The following FOXN3 variants were observed in gnomAD, a reference collection of about 807,000 sequenced individuals.
FOXN3 encodes the protein forkhead box N3, also known as forkhead box protein N3.
FOXN3 carries 7 observed loss-of-function variants against 38.4 expected under a neutral mutation model. The observed-to-expected ratio is 0.18, with a 90% CI of 0.10 to 0.34. The LOEUF is 0.34. Ranked by LOEUF, FOXN3 falls within the 10% of genes least tolerant of loss-of-function variation. The pLI is 1.00. For missense variants in FOXN3, 456 were observed against 613.4 expected, an observed-to-expected ratio of 0.74 and a Z score of 2.71; for synonymous variants, 230 against 242.2, an observed-to-expected ratio of 0.95 and a Z score of 0.47.
intron 3 of FOXN3, among the ~76,000 whole-genome samples, chr14:89,335,685 T>C (rs1467608133): frequency 6.6e-6 from 1 of 152,240 alleles, no homozygotes; most frequent in Non-Finnish European, 1.5e-5. Flanking sequence ...ATTATATCTA[T>C]TCATTTTTAT....
At chr14:89,498,022 T>C (rs532606840) in intron 1 of FOXN3, among the ~76,000 whole-genome samples, 50 of 152,270 alleles carry the variant, frequency 3.3e-4, no homozygotes, top group Non-Finnish European at 5.0e-4. Context: ...TTGAGCATTT[T>C]TTTAACACTC....
chr14:89,238,790 A>G (rs970037732), intron 4 of FOXN3, among the ~76,000 whole-genome samples: 1 of 152,218 alleles, frequency 6.6e-6, no homozygotes, highest in Admixed American at 6.5e-5. Context: ...ATGAATATCA[A>G]TAACAATGCA....
chr14:89,197,318 C>T (rs896601057), intron 4 of FOXN3, among the ~76,000 whole-genome samples: 1 of 152,056 alleles, frequency 6.6e-6, no homozygotes, highest in Non-Finnish European at 1.5e-5. Context: ...ACCAGCCTGG[C>T]CAACATGGTG....
At chr14:89,542,191 C>A (rs925017997) in intron 1 of FOXN3, among the ~76,000 whole-genome samples, 1 of 151,988 alleles carries the variant, frequency 6.6e-6, no homozygotes, top group Non-Finnish European at 1.5e-5. Context: ...CAAGGGTTTG[C>A]GATAAAGGAT....
chr14:89,225,995 A>G (rs1457359652), intron 4 of FOXN3, among the ~76,000 whole-genome samples: 1 of 151,998 alleles, frequency 6.6e-6, no homozygotes, highest in Non-Finnish European at 1.5e-5. Flanking sequence ...TTCTATAAGT[A>G]GGTTTATCCC....
At chr14:89,363,224 C>T (rs1028446910) in intron 2 of FOXN3, among the ~76,000 whole-genome samples, 1 of 152,152 alleles carries the variant, frequency 6.6e-6, no homozygotes, top group East Asian at 1.9e-4. Context: ...CACAGTAACA[C>T]CCCCACATCC....
At chr14:89,228,719 C>G (rs542174271) in intron 4 of FOXN3, among the ~76,000 whole-genome samples, 12 of 152,274 alleles carry the variant, frequency 7.9e-5, no homozygotes, top group African/African-American at 2.9e-4. Flanking sequence ...GGAAGATGGG[C>G]TCAGTTCATT....
intron 1 of FOXN3, among the ~76,000 whole-genome samples, chr14:89,520,786 G>A (rs947637165): frequency 5.9e-5 from 9 of 152,110 alleles, no homozygotes; most frequent in Admixed American, 5.9e-4. Context: ...AGAAAATAGA[G>A]CCTGTACTGG....
intron 2 of FOXN3, among the ~76,000 whole-genome samples, chr14:89,393,613 C>G (rs553333106): frequency 6.6e-6 from 1 of 152,302 alleles, no homozygotes; most frequent in East Asian, 1.9e-4. Context: ...ACCTCAGCAC[C>G]AGGGTATACA....
At chr14:89,246,505 C>T (rs1885301309) in intron 4 of FOXN3, among the ~76,000 whole-genome samples, 1 of 150,576 alleles carries the variant, frequency 6.6e-6, no homozygotes, top group Admixed American at 6.6e-5. Flanking sequence ...CCACCCAGCG[C>T]CCACACCTCC....
chr14:89,465,323 A>G (rs894311451), intron 1 of FOXN3, among the ~76,000 whole-genome samples: 3 of 151,792 alleles, frequency 2.0e-5, no homozygotes, highest in Admixed American at 6.6e-5. Context: ...TCCGCCTCCC[A>G]GGTTCAAGCG....
chr14:89,517,459 G>T (rs138843689), intron 1 of FOXN3, among the ~76,000 whole-genome samples: 1 of 152,150 alleles, frequency 6.6e-6, no homozygotes, highest in East Asian at 1.9e-4. Context: ...TTTCAATCAT[G>T]GCCGAAGGCA....
At chr14:89,170,350 T>A (rs894331343) in intron 5 of FOXN3, among the ~76,000 whole-genome samples, 3 of 152,208 alleles carry the variant, frequency 2.0e-5, no homozygotes, top group Non-Finnish European at 4.4e-5. Flanking sequence ...TGGAGAAGAT[T>A]TGACATAAAC....
chr14:89,396,681 A>C (rs1247890204), intron 2 of FOXN3, among the ~76,000 whole-genome samples: 1 of 152,072 alleles, frequency 6.6e-6, no homozygotes, highest in Non-Finnish European at 1.5e-5. Flanking sequence ...AGAATACAAA[A>C]ATTAGATGGG....
intron 4 of FOXN3, among the ~76,000 whole-genome samples, chr14:89,193,500 G>A (rs1266939518): frequency 6.6e-6 from 1 of 152,094 alleles, no homozygotes; most frequent in African/African-American, 2.4e-5. Flanking sequence ...GGGGTGCTTT[G>A]GATCTGTAGA....
intron 1 of FOXN3, among the ~76,000 whole-genome samples, chr14:89,476,018 T>A (rs886606582): frequency 2.6e-5 from 4 of 152,174 alleles, no homozygotes; most frequent in Non-Finnish European, 4.4e-5. Context: ...GAGATAAGGA[T>A]AACCTGTGGT....
chr14:89,366,828 G>A (rs1890174151), intron 2 of FOXN3, among the ~76,000 whole-genome samples: 1 of 152,144 alleles, frequency 6.6e-6, no homozygotes, highest in African/African-American at 2.4e-5. Context: ...CTGACACATG[G>A]ATGCCCTTGG....
intron 3 of FOXN3, among the ~76,000 whole-genome samples, chr14:89,322,568 A>T (rs1414661304): frequency 6.6e-6 from 1 of 152,176 alleles, no homozygotes; most frequent in African/African-American, 2.4e-5. Context: ...AGGGAGCAAC[A>T]TGGTGGCATA....
intron 4 of FOXN3, among the ~76,000 whole-genome samples, chr14:89,193,811 G>A (rs766334563): frequency 6.6e-5 from 10 of 152,162 alleles, no homozygotes; most frequent in Non-Finnish European, 8.8e-5. Context: ...GGTGTACCAC[G>A]TAGGAGAGTT....
Sources: gnomAD v4.1 joint callset for allele counts (sites outside exome capture counted in the v4.1 genomes callset) on GRCh38, gnomAD v4.1.1 for gene constraint, MANE v1.5 for transcripts, NCBI Gene and HGNC (gene_info 2026-07-23, HGNC 2026-07-21) for gene names.